Variants in TCF4 observed in about 807,000 individuals in gnomAD.
TCF4 encodes transcription factor 4.
A neutral mutation model predicts 82.1 loss-of-function variants in TCF4; 3 were observed. The ratio of observed to expected loss-of-function variants is 0.04; its 90% CI spans 0.02 to 0.09. The LOEUF (loss-of-function observed/expected upper bound fraction) is 0.09, where lower values mean the gene tolerates loss of function less well. Among genes scored for constraint, TCF4 ranks in the 10% least tolerant of loss-of-function variants. TCF4 has a pLI of 1.00. For missense variants in TCF4, 518 were observed against 852.7 expected (o/e 0.61, Z 4.89); for synonymous variants, 276 against 309.6 (o/e 0.89, Z 1.14).
chr18:55,260,056 A>G (rs1283207812), intron 12 of TCF4, 29 bp from the exon 13 acceptor site: 3 of 1,386,462 alleles, frequency 2.2e-6, no homozygotes, highest in Non-Finnish European at 3.1e-6. Flanking sequence ...AAAAAAAAAC[A>G]CCCTCATTCA....
chr18:55,600,155 G>A (rs1349746735), intron 2 of TCF4, among the ~76,000 whole-genome samples: 1 of 152,128 alleles, frequency 6.6e-6, no homozygotes, highest in Admixed American at 6.5e-5. Flanking sequence ...ACTATGAGTA[G>A]AGCTGCCTTG....
intron 2 of TCF4, among the ~76,000 whole-genome samples, chr18:55,628,892 GAC>G (rs1482031173): frequency 5.9e-5 from 9 of 152,102 alleles, no homozygotes; most frequent in Non-Finnish European, 1.0e-4. Context: ...TAAAATGCCA[GAC>G]TAGACAGAAA....
At chr18:55,505,174 T>G (rs770608666) in intron 3 of TCF4, among the ~76,000 whole-genome samples, 1 of 152,172 alleles carries the variant, frequency 6.6e-6, no homozygotes, top group East Asian at 1.9e-4. Flanking sequence ...CAAGAGTACT[T>G]AGTCAATCCA....
At chr18:55,334,400 A>C (rs1248837064) in intron 8 of TCF4, among the ~76,000 whole-genome samples, 1 of 152,106 alleles carries the variant, frequency 6.6e-6, no homozygotes, top group African/African-American at 2.4e-5. Context: ...TAGGAGAAAA[A>C]ATTCTGCCAT....
At chr18:55,389,302 C>G (rs1373275577) in intron 6 of TCF4, among the ~76,000 whole-genome samples, 1 of 152,200 alleles carries the variant, frequency 6.6e-6, no homozygotes, top group Non-Finnish European at 1.5e-5. Context: ...GGAACAAGCA[C>G]TTCCTGGGTG....
intron 5 of TCF4, among the ~76,000 whole-genome samples, chr18:55,448,390 G>A (rs2095562619): frequency 6.6e-6 from 1 of 152,178 alleles, no homozygotes; most frequent in African/African-American, 2.4e-5. Flanking sequence ...CCGCCTAAAT[G>A]TATACTACTT....
At chr18:55,346,915 CAT>C (rs1327620215) in intron 8 of TCF4, among the ~76,000 whole-genome samples, 1 of 152,232 alleles carries the variant, frequency 6.6e-6, no homozygotes, top group East Asian at 1.9e-4. Context: ...TGTTAAGAAT[CAT>C]AAATCATTTT....
intron 5 of TCF4, chr18:55,422,125 CAAAA>C (rs555892552): frequency 2.8e-3 from 902 of 321,926 alleles, no homozygotes; most frequent in Non-Finnish European, 3.2e-3. Flanking sequence ...CACTATCATC[CAAAA>C]AAAAAAAAAA....
At chr18:55,329,062 G>C (rs979258166) in intron 8 of TCF4, among the ~76,000 whole-genome samples, 2 of 152,146 alleles carry the variant, frequency 1.3e-5, no homozygotes, top group Non-Finnish European at 2.9e-5. Context: ...AATGAAAAGA[G>C]TAGGTATAAA....
intron 14 of TCF4, among the ~76,000 whole-genome samples, chr18:55,255,587 C>T (rs1429408742): frequency 6.6e-6 from 1 of 152,074 alleles, no homozygotes; most frequent in Non-Finnish European, 1.5e-5. Context: ...AAAAACTGAT[C>T]AATAATGATA....
intron 3 of TCF4, among the ~76,000 whole-genome samples, chr18:55,503,219 G>A (rs1202354569): frequency 6.6e-6 from 1 of 152,184 alleles, no homozygotes; most frequent in Admixed American, 6.5e-5. Flanking sequence ...AAGGTCTATA[G>A]AAACAATGCA....
At chr18:55,386,605 AT>A (rs1672033894) in intron 6 of TCF4, among the ~76,000 whole-genome samples, 1 of 152,234 alleles carries the variant, frequency 6.6e-6, no homozygotes, top group Non-Finnish European at 1.5e-5. Flanking sequence ...ATAAAATAAA[AT>A]AAAATTCAAA....
intron 11 of TCF4, chr18:55,269,304 A>T (rs141005848): frequency 6.3e-6 from 1 of 158,938 alleles, no homozygotes; most frequent in African/African-American, 2.4e-5. Flanking sequence ...GTGAACAAAT[A>T]CTTCTTCCCC....
At chr18:55,512,341 A>C (rs925340784) in intron 3 of TCF4, among the ~76,000 whole-genome samples, 2 of 152,166 alleles carry the variant, frequency 1.3e-5, no homozygotes, top group African/African-American at 4.8e-5. Context: ...CAAAACATTC[A>C]AGGACATTGG....
chr18:55,631,501 G>A, intron 1 of TCF4: 3 of 1,083,670 alleles, frequency 2.8e-6, no homozygotes, highest in Non-Finnish European at 3.9e-6. Flanking sequence ...TTAGGGTAAT[G>A]CCCTACAGGG....
intron 3 of TCF4, among the ~76,000 whole-genome samples, chr18:55,558,852 T>C (rs2097329174): frequency 6.6e-6 from 1 of 152,070 alleles, no homozygotes; most frequent in Non-Finnish European, 1.5e-5. Context: ...TAATGCATTC[T>C]AGTACTCACT....
At chr18:55,355,470 T>C (rs1479375142) in intron 6 of TCF4, among the ~76,000 whole-genome samples, 1 of 152,138 alleles carries the variant, frequency 6.6e-6, no homozygotes, top group African/African-American at 2.4e-5. Flanking sequence ...ATTGCTGACT[T>C]ACTACAGTAG....
At chr18:55,282,568 T>A (rs1274337710) in intron 8 of TCF4, among the ~76,000 whole-genome samples, 1 of 152,100 alleles carries the variant, frequency 6.6e-6, no homozygotes. Context: ...GAAAAGCTCA[T>A]ACCCATTCAG....
intron 3 of TCF4, among the ~76,000 whole-genome samples, chr18:55,473,940 AC>A (rs1466162947): frequency 1.3e-5 from 2 of 152,100 alleles, no homozygotes; most frequent in Non-Finnish European, 2.9e-5. Flanking sequence ...CAAGATACAG[AC>A]CCCTTAAGCA....
Sources: gnomAD v4.1 joint callset for allele counts (sites outside exome capture counted in the v4.1 genomes callset) on GRCh38, gnomAD v4.1.1 for gene constraint, MANE v1.5 for transcripts, NCBI Gene and HGNC (gene_info 2026-07-23, HGNC 2026-07-21) for gene names.